Variants in ADCY5 observed in about 807,000 individuals in gnomAD.
The protein encoded by ADCY5 is adenylate cyclase type 5.
A neutral mutation model predicts 119.7 loss-of-function variants in ADCY5; 30 were observed. That is an observed-to-expected ratio of 0.25 (90% CI 0.19 to 0.34). The LOEUF is 0.34. Ranked by LOEUF, ADCY5 falls within the 10% of genes least tolerant of loss-of-function variation. The pLI is 1.00. For synonymous variants in ADCY5, 753 were observed against 762.2 expected (o/e 0.99, Z 0.20); for missense variants, 1,324 against 1,775.2 (o/e 0.75, Z 4.57).
intron 3 of ADCY5, among the ~76,000 whole-genome samples, chr3:123,347,014 C>G (rs935766834): frequency 6.6e-6 from 1 of 152,166 alleles, no homozygotes; most frequent in African/African-American, 2.4e-5. Flanking sequence ...GTGAAAGGAG[C>G]GTGGGCTCTG....
chr3:123,382,698 G>A (rs1252636824), intron 1 of ADCY5, among the ~76,000 whole-genome samples: 2 of 152,098 alleles, frequency 1.3e-5, no homozygotes, highest in Non-Finnish European at 2.9e-5. Context: ...GGAAGTACCC[G>A]GACTAGTCAA....
At position 123,352,319 on chromosome 3, in the gene ADCY5, G is replaced by C. The variant is rs754961541; in HGVS notation, c.1284+113C>G. 2 of 1,345,528 alleles carry C rather than the reference G, an allele frequency of 1.5e-6. No individual in the cohort carries two copies. Among genetic ancestry groups the C allele is most frequent in the Non-Finnish European group, 2.0e-6 (2 of 1,010,090 alleles). The allele number at this position is 1,345,528 out of a possible 1,614,324, so 83.3% of individuals were successfully genotyped here. A position where few individuals can be genotyped will look rare whatever the true frequency, so the allele number is the denominator to read the frequency against. On this transcript the variant is annotated intron_variant, in intron 2 of 20. Coordinates refer to ENST00000462833, the MANE Select transcript of ADCY5 (RefSeq NM_183357.3). This position sits in a 1 kb window ranked among gnomAD's most constrained non-coding sequence, Gnocchi z 4.8. ...CCCCATGGGTTGGTCCCCTCCCGGG[G>C]AGTGGGGCTGGCAGCCGTAATAAGC... is the stretch of plus-strand genomic sequence containing the variant.
intron 1 of ADCY5, among the ~76,000 whole-genome samples, chr3:123,364,503 G>T (rs959117320): frequency 6.6e-6 from 1 of 152,122 alleles, no homozygotes. Flanking sequence ...CATCAATATG[G>T]ATGGGGCAGA....
intron 1 of ADCY5, among the ~76,000 whole-genome samples, chr3:123,442,927 C>G (rs1945746461): frequency 2.0e-5 from 3 of 152,236 alleles, no homozygotes; most frequent in African/African-American, 7.2e-5. Context: ...AAGCCAACCC[C>G]CAACCCCAGC....
At chr3:123,309,040 A>C (rs1940393087) in intron 12 of ADCY5, among the ~76,000 whole-genome samples, 1 of 152,188 alleles carries the variant, frequency 6.6e-6, no homozygotes, top group South Asian at 2.1e-4. Flanking sequence ...GTACATTCCC[A>C]ATCTGATTAA....
chr3:123,327,270 T>C (rs1331791435), intron 7 of ADCY5, among the ~76,000 whole-genome samples: 2 of 152,152 alleles, frequency 1.3e-5, no homozygotes, highest in African/African-American at 4.8e-5. Context: ...TTAGGGCAAG[T>C]GTCCACCCCA....
chr3:123,398,543 A>G (rs1559861769), intron 1 of ADCY5, among the ~76,000 whole-genome samples: 1 of 152,166 alleles, frequency 6.6e-6, no homozygotes. Flanking sequence ...TAATCTTCAA[A>G]TACCATTTTC....
At chr3:123,411,237 G>A (rs1208504300) in intron 1 of ADCY5, among the ~76,000 whole-genome samples, 1 of 152,168 alleles carries the variant, frequency 6.6e-6, no homozygotes, top group Non-Finnish European at 1.5e-5. Flanking sequence ...CCTGCTTCGA[G>A]GAGAGCCTGC....
chr3:123,358,501 G>T (rs1356689614), intron 1 of ADCY5, among the ~76,000 whole-genome samples: 1 of 152,194 alleles, frequency 6.6e-6, no homozygotes, highest in Non-Finnish European at 1.5e-5. Context: ...TTGGGAGGCT[G>T]AGGCAGGAGG....
At chr3:123,395,748 T>C (rs1944522243) in intron 1 of ADCY5, among the ~76,000 whole-genome samples, 1 of 151,292 alleles carries the variant, frequency 6.6e-6, no homozygotes, top group South Asian at 2.1e-4. Context: ...CCGGGTGTGG[T>C]GGCATGTGCC....
intron 12 of ADCY5, among the ~76,000 whole-genome samples, chr3:123,305,793 T>A (rs574775949): frequency 1.3e-5 from 2 of 152,254 alleles, no homozygotes; most frequent in South Asian, 4.2e-4. Flanking sequence ...GACCCCAGAA[T>A]CCTCCTCCAC....
intron 18 of ADCY5, 79 bp downstream of exon 18, chr3:123,291,034 G>A: frequency 6.7e-7 from 1 of 1,502,994 alleles, no homozygotes; most frequent in Non-Finnish European, 8.9e-7. Context: ...GGGGCGCCAG[G>A]TCTCTTCACA....
Position 123,283,223 on chromosome 3 carries a change from G to A in ADCY5, c.*1385C>T, listed in dbSNP as rs1315865077. 3.3e-5 allele frequency: 5 copies of A among 152,180 alleles called. No individual in the cohort carries two copies. The highest frequency in any genetic ancestry group is 7.3e-5 in the Non-Finnish European group (5 of 68,048). 9.4% of individuals were successfully genotyped at this position (152,180 alleles called of 1,614,324 possible). A position where few individuals can be genotyped will look rare whatever the true frequency, so the allele number is the denominator to read the frequency against. On this transcript the variant is annotated 3_prime_UTR_variant, in exon 21 of 21. Transcript: ENST00000462833. ...AGCCACCTGCACCTTGGCCAACTGA[G>A]TAGGCCAGGGAGGCTTGGCTTCCTC...
At chr3:123,325,793 T>C (rs935561976) in intron 7 of ADCY5, among the ~76,000 whole-genome samples, 6 of 152,256 alleles carry the variant, frequency 3.9e-5, no homozygotes, top group Non-Finnish European at 7.3e-5. Flanking sequence ...GATTCTATCC[T>C]GGGTGCCCTT....
At position 123,325,395 on chromosome 3, in the gene ADCY5, G is replaced by A. The variant is rs756019711; in HGVS notation, c.2015C>T (p.Pro672Leu). The change falls in exon 8 of 21, where the codon CCA becomes CTA. Residue 672 changes from proline (P) to leucine (L), a missense_variant. Pro to Leu is a moderately conservative substitution (Grantham distance 98). Around this residue, in one of 6 missense-constraint regions of ADCY5, gnomAD observed 424 missense variants for 546.8 expected, o/e 0.78. Transcript: ENST00000462833. ...QRTNSIGHNP[P>L]HWGAERPFYN... is the part of the protein sequence containing the mutation. ...GAAGGGGCGCTCAGCCCCCCAGTGT[G>A]GTGGGTTGTGCCCGATGGAGTTGGT... 5.6e-6 allele frequency: 9 copies of A among 1,614,186 alleles called. No individual in the cohort carries two copies. The highest frequency in any genetic ancestry group is 1.1e-5 in the South Asian group (1 of 91,086).
intron 1 of ADCY5, among the ~76,000 whole-genome samples, chr3:123,437,498 T>C (rs1302054152): frequency 6.6e-6 from 1 of 152,146 alleles, no homozygotes; most frequent in Non-Finnish European, 1.5e-5. Flanking sequence ...TTACTTACCT[T>C]CTCTTATCCC....
intron 1 of ADCY5, among the ~76,000 whole-genome samples, chr3:123,396,898 A>AC (rs1180849230): frequency 2.0e-5 from 3 of 151,798 alleles, no homozygotes; most frequent in African/African-American, 7.3e-5. Context: ...TCTGTAGCAC[A>AC]CAGGGGCATG....
chr3:123,308,036 T>C (rs1242343182), intron 12 of ADCY5, among the ~76,000 whole-genome samples: 4 of 137,096 alleles, frequency 2.9e-5, no homozygotes, highest in African/African-American at 1.1e-4. Flanking sequence ...CTCTTTTTTT[T>C]TTTTTTTTTT....
At position 123,396,587 on chromosome 3, in the gene ADCY5, AGAG is replaced by A. The variant is rs201754900; in HGVS notation, c.1135-44009_1135-44007del. On this transcript the variant is annotated intron_variant, in intron 1 of 20. Transcript: ENST00000462833. ...AAGAAAGGAAGAAAAAGAAAAGAAA[AGAG>A]AAGAAAAAAGAGAGAAGGGAGGGAG... 6.3e-3 allele frequency among the ~76,000 whole-genome samples: 878 copies of A among 139,480 alleles called. 6 individuals are homozygous for A. The highest frequency in any genetic ancestry group is 0.021 in the African/African-American group (801 of 38,204). 91.5% of individuals were successfully genotyped at this position (139,480 alleles called of 152,430 possible). A position where few individuals can be genotyped will look rare whatever the true frequency, so the allele number is the denominator to read the frequency against.
Sources: gnomAD v4.1 joint callset for allele counts (sites outside exome capture counted in the v4.1 genomes callset) on GRCh38, gnomAD v4.1.1 for gene constraint, gnomAD v4.1.1 regional missense constraint, Gnocchi (gnomAD v3.1) non-coding constraint, MANE v1.5 for transcripts, NCBI Gene and HGNC (gene_info 2026-07-23, HGNC 2026-07-21) for gene names.